Variants in PRSS16 observed in about 807,000 individuals in gnomAD.
PRSS16 encodes the protein serine protease 16.
Under a neutral mutation model 61.7 loss-of-function variants are expected in PRSS16, and 43 were observed. The observed-to-expected ratio is 0.70, with a 90% CI of 0.55 to 0.90. The LOEUF is 0.90. Ranked by LOEUF, PRSS16 falls within the 40% of genes least tolerant of loss-of-function variation. The pLI is 0.00. For missense variants in PRSS16, 591 were observed against 659.1 expected (o/e 0.90, Z 1.13); for synonymous variants, 273 against 285.2 (o/e 0.96, Z 0.43).
At position 27,255,632 on chromosome 6, in the gene PRSS16, C is replaced by T. The variant is rs901699639; in HGVS notation, c.*317C>T. On this transcript the variant is annotated 3_prime_UTR_variant, in exon 12 of 12. Coordinates refer to ENST00000230582, the MANE Select transcript of PRSS16 (RefSeq NM_005865.4). The surrounding 1 kb of genome is among the most constrained non-coding windows in gnomAD (Gnocchi z 4.4). ...GATCAGATTCTGGTTCAAATTCTGC[C>T]ACTCCAGCTCCTGGGTTAGGGGCTT... is the stretch of plus-strand genomic sequence containing the variant. The T allele has an allele frequency of 7.2e-6, 2 of 279,642 alleles. No individual in the cohort carries two copies. Among genetic ancestry groups the T allele is most frequent in the African/African-American group, 4.5e-5 (2 of 44,568 alleles). 17.3% of individuals were successfully genotyped at this position (279,642 alleles called of 1,614,324 possible).
In PRSS16 at chr6:27,252,581, A is replaced by C. The variant is rs1759939443; in HGVS notation, c.1009-227A>C. Among the ~76,000 whole-genome samples the C allele has an allele frequency of 6.6e-6, 1 of 152,114 alleles. No individual in the cohort carries two copies. The highest frequency in any genetic ancestry group is 1.5e-5 in the Non-Finnish European group (1 of 68,024). Reference sequence around the variant, plus strand: ...GGAAACTGAAGTCTGAAAGATTATCACTTGCCCAAGCTCTCACAGGTAATA... The same window carrying C: ...GGAAACTGAAGTCTGAAAGATTATCCCTTGCCCAAGCTCTCACAGGTAATA... On this transcript the variant is annotated intron_variant, in intron 8 of 11. Transcript: ENST00000230582. This position sits in a 1 kb window ranked among gnomAD's most constrained non-coding sequence, Gnocchi z 4.2.
rs965417670 is a variant in PRSS16 at position 27,249,108 on chromosome 6, G to A, written c.346G>A (p.Ala116Thr). ...CCATACACTCTTCACAGGCCATCCC[G>A]CAGCCTTGGCCCCAGCCTGGGGCGC... ...GPGSVMRGHP[A>T]ALAPAWGALV... The change falls in exon 4 of 12, where the codon GCA becomes ACA. Residue 116 changes from alanine to threonine, a missense_variant. Physicochemically the swap from Ala to Thr is moderately conservative, Grantham distance 58 (BLOSUM62 0). Transcript: ENST00000230582. 21 of 1,564,642 alleles carry A rather than the reference G, an allele frequency of 1.3e-5. No individual in the cohort carries two copies. In the African/African-American group the frequency reaches 1.5e-4, roughly 12 times the overall value.
intron 4 of PRSS16, 93 bp downstream of exon 4, chr6:27,249,322 G>A: frequency 6.9e-7 from 1 of 1,450,292 alleles, no homozygotes; most frequent in South Asian, 1.3e-5. Flanking sequence ...TCCACTGTCT[G>A]AAGTCAACCT....
intron 2 of PRSS16, among the ~76,000 whole-genome samples, chr6:27,248,330 C>A (rs1347366358): frequency 6.6e-6 from 1 of 151,988 alleles, no homozygotes; most frequent in African/African-American, 2.4e-5. Flanking sequence ...CTCCCTACCC[C>A]CTTGTCCCTG....
In PRSS16 at chr6:27,251,387, C is replaced by CG; in HGVS notation, c.717+128dup. ...GCGGGGTCTAAGGAAGGTCGGAGCT[C>CG]GGGGGAATACGCAGGTTTTGGAAGA... On this transcript the variant is annotated intron_variant, in intron 7 of 11. Coordinates refer to ENST00000230582, the MANE Select transcript of PRSS16 (RefSeq NM_005865.4). The surrounding 1 kb of genome is among the most constrained non-coding windows in gnomAD (Gnocchi z 5.6). The CG allele has an allele frequency of 8.1e-7, 1 of 1,229,724 alleles. No individual in the cohort carries two copies. Among genetic ancestry groups the CG allele is most frequent in the Non-Finnish European group, 1.1e-6 (1 of 906,254 alleles). 76.2% of individuals were successfully genotyped at this position (1,229,724 alleles called of 1,614,324 possible).
chr6:27,249,351 C>G, intron 4 of PRSS16, 122 bp downstream of exon 4: 3 of 1,262,728 alleles, frequency 2.4e-6, no homozygotes, highest in Non-Finnish European at 3.3e-6. Context: ...CTGGTTCCCT[C>G]TGTTTTCTTC....
At position 27,249,177 on chromosome 6, in the gene PRSS16, C is replaced by A. The variant is rs1431502788; in HGVS notation, c.415C>A (p.Pro139Thr). ...LEHRFYGLSI[P>T]AGGLEMAQLR... ...ACACAGATTTTATGGCCTGAGTATA[C>A]CTGCTGGAGGCCTGGAAATGGCCCA... The change falls in exon 4 of 12, where the codon CCT becomes ACT. Residue 139 changes from proline (P) to threonine (T), a missense_variant. By Grantham distance (38) the Pro-to-Thr change is conservative. Transcript: ENST00000230582. The A allele has an allele frequency of 6.2e-7, 1 of 1,612,950 alleles. No individual in the cohort carries two copies. Among genetic ancestry groups the A allele is most frequent in the Non-Finnish European group, 8.5e-7 (1 of 1,179,896 alleles).
At position 27,251,863 on chromosome 6, in the gene PRSS16, C is replaced by G. The variant is rs1302894256; in HGVS notation, c.831C>G (p.Arg277=). ...TGAGCGCTTGCGGGCCCCTGGGCCG[C>G]GCTGAAAACCAGGCGGAGCTGTTGG... ...TELSACGPLG[R]AENQAELLGA... Residue 277 remains arginine, a synonymous_variant, in exon 8 of 12, where the codon CGC becomes CGG. Transcript: ENST00000230582. This position sits in a 1 kb window ranked among gnomAD's most constrained non-coding sequence, Gnocchi z 5.6. The G allele has an allele frequency of 2.5e-6, 4 of 1,613,204 alleles. No individual in the cohort carries two copies. Among genetic ancestry groups the G allele is most frequent in the Non-Finnish European group, 3.4e-6 (4 of 1,179,754 alleles).
In PRSS16 at chr6:27,252,885, A is replaced by G; in HGVS notation, c.1086A>G (p.Glu362=). Residue 362 remains glutamate (E), a synonymous_variant, in exon 9 of 12, where the codon GAA becomes GAG. Transcript: ENST00000230582. This position sits in a 1 kb window ranked among gnomAD's most constrained non-coding sequence, Gnocchi z 4.2. The stretch of plus-strand genomic sequence containing the variant: ...CAGTGGCACAGCTGAGGAGCACAGA[A>G]CCTCAACTGTCTGGTGTGGGTGACC... ...AETVAQLRST[E]PQLSGVGDRQ... 1 of 1,614,124 alleles carries G rather than the reference A, an allele frequency of 6.2e-7. No individual in the cohort carries two copies. Among genetic ancestry groups the G allele is most frequent in the Non-Finnish European group, 8.5e-7 (1 of 1,180,010 alleles).
chr6:27,251,683 G>A lies in PRSS16; in HGVS notation c.718-67G>A. On this transcript the variant is annotated intron_variant, in intron 7 of 11. Coordinates refer to ENST00000230582, the MANE Select transcript of PRSS16 (RefSeq NM_005865.4). The surrounding 1 kb of genome is among the most constrained non-coding windows in gnomAD (Gnocchi z 5.6). ...AAGTGGGGAACCCAAGGAGGACGCA[G>A]GTCCTGGGTAGGGAAAGCCGAGGCC... 1 of 1,527,544 alleles carries A rather than the reference G, an allele frequency of 6.5e-7. No homozygotes were observed. The highest frequency in any genetic ancestry group is 8.7e-7 in the Non-Finnish European group (1 of 1,149,372). 94.6% of individuals were successfully genotyped at this position (1,527,544 alleles called of 1,614,324 possible). A position where few individuals can be genotyped will look rare whatever the true frequency, so the allele number is the denominator to read the frequency against.
In PRSS16 at chr6:27,251,120, G is replaced by T. The variant is rs751290225; in HGVS notation, c.669+1G>T. On this transcript the variant is annotated splice_donor_variant, in intron 6 of 11. Coordinates refer to ENST00000230582, the MANE Select transcript of PRSS16 (RefSeq NM_005865.4). LOFTEE classifies it high-confidence loss of function. This position sits in a 1 kb window ranked among gnomAD's most constrained non-coding sequence, Gnocchi z 5.6. The stretch of plus-strand genomic sequence containing the variant: ...GCTGGATTTCTCCGAGTATAATGAC[G>T]TAAGGATGGCGGGCAGCAGGTGCGG... 4 of 1,613,994 alleles carry T rather than the reference G, an allele frequency of 2.5e-6. No individual in the cohort carries two copies. In the South Asian group the frequency reaches 4.4e-5, roughly 18 times the overall value.
Position 27,251,766 on chromosome 6 carries a change from C to T in PRSS16, c.734C>T (p.Ser245Phe). The change falls in exon 8 of 12, where the codon TCC (serine) becomes TTC (phenylalanine). Residue 245 changes from serine (S) to phenylalanine (F), a missense_variant. Coordinates refer to ENST00000230582, the MANE Select transcript of PRSS16 (RefSeq NM_005865.4). The surrounding 1 kb of genome is among the most constrained non-coding windows in gnomAD (Gnocchi z 5.6). The part of the protein sequence containing the change: ...GGSLECRAAV[S>F]VAFAEVERRL... Reference sequence around the variant, plus strand: ...TTCCCACAGTGCCGGGCGGCGGTGTCCGTCGCCTTCGCTGAAGTGGAGCGG... The same window carrying T: ...TTCCCACAGTGCCGGGCGGCGGTGTTCGTCGCCTTCGCTGAAGTGGAGCGG... The T allele has an allele frequency of 3.1e-6, 5 of 1,605,434 alleles. No homozygotes were observed. The highest frequency in any genetic ancestry group is 4.2e-6 in the Non-Finnish European group (5 of 1,178,372).
intron 4 of PRSS16, among the ~76,000 whole-genome samples, chr6:27,249,800 C>T (rs1257133654): frequency 6.6e-6 from 1 of 152,170 alleles, no homozygotes; most frequent in Non-Finnish European, 1.5e-5. Flanking sequence ...CATTGAAGTC[C>T]TCACTGTCCT....
Position 27,250,685 on chromosome 6 carries a change from T to C in PRSS16, c.470T>C (p.Leu157Pro), listed in dbSNP as rs1278053701. ...QLRFLSSRLA[L>P]ADVVSARLAL... is the part of the protein sequence containing the mutation. Reference sequence around the variant, plus strand: ...CCGAGTCCCCCCTTTGACCCTAGGCTGGCTGATGTGGTCTCTGCCCGCCTG... The same window carrying C: ...CCGAGTCCCCCCTTTGACCCTAGGCCGGCTGATGTGGTCTCTGCCCGCCTG... The change falls in exon 5 of 12, where the codon CTG becomes CCG. Residue 157 changes from leucine (L) to proline (P), a missense_variant and splice_region_variant. Transcript: ENST00000230582. The C allele has an allele frequency of 1.9e-6, 3 of 1,609,026 alleles. No homozygotes were observed. The African/African-American group carries it at 4.0e-5, about 22-fold the overall frequency.
At position 27,251,922 on chromosome 6, in the gene PRSS16, A is replaced by G. The variant is rs756698817; in HGVS notation, c.890A>G (p.Gln297Arg). 3.6e-5 allele frequency: 58 copies of G among 1,612,710 alleles called. No homozygotes were observed. Among genetic ancestry groups the G allele is most frequent in the Non-Finnish European group, 4.6e-5 (54 of 1,179,630 alleles). Residue 297 changes from glutamine (Q) to arginine (R), a missense_variant, in exon 8 of 12, where the codon CAG becomes CGG. Transcript: ENST00000230582. The surrounding 1 kb of genome is among the most constrained non-coding windows in gnomAD (Gnocchi z 5.6). ...CAGGCACTGGTGGGAGGTGTAGTGCAGTATGATGGGCAGACGGGAGCGCCG... is the reference window on the plus strand; with the variant it reads ...CAGGCACTGGTGGGAGGTGTAGTGCGGTATGATGGGCAGACGGGAGCGCCG... ...ALQALVGGVV[Q>R]YDGQTGAPLS...
chr6:27,254,990 C>T lies in PRSS16; in HGVS notation c.1335C>T (p.Asp445=), dbSNP rs1759998825. The change falls in exon 11 of 12, where the codon GAC becomes GAT. Residue 445 remains aspartate, a synonymous_variant. Coordinates refer to ENST00000230582, the MANE Select transcript of PRSS16 (RefSeq NM_005865.4). ...CATCCTATCCTTTCTTTCCAGGGGA[C>T]ACAGACCCCTGGCATGTGCTAAGTG... is the stretch of plus-strand genomic sequence containing the variant. The part of the protein sequence containing the change: ...GANKVLFVNG[D]TDPWHVLSVT... The T allele has an allele frequency of 1.9e-6, 3 of 1,613,158 alleles. No individual in the cohort carries two copies. The East Asian group carries it at 6.7e-5, about 36-fold the overall frequency.
Position 27,251,755 on chromosome 6 carries a change from G to C in PRSS16, c.723G>C (p.Arg241=). 2 of 1,602,848 alleles carry C rather than the reference G, an allele frequency of 1.2e-6. No individual in the cohort carries two copies. Among genetic ancestry groups the C allele is most frequent in the Non-Finnish European group, 1.7e-6 (2 of 1,177,988 alleles). ...TCGCCTCTTGCTTCCCACAGTGCCG[G>C]GCGGCGGTGTCCGTCGCCTTCGCTG... ...STAIGGSLEC[R]AAVSVAFAEV... is the part of the protein sequence containing the mutation. Residue 241 remains arginine (R), a synonymous_variant, in exon 8 of 12, where the codon CGG becomes CGC. Coordinates refer to ENST00000230582, the MANE Select transcript of PRSS16 (RefSeq NM_005865.4). The surrounding 1 kb of genome is among the most constrained non-coding windows in gnomAD (Gnocchi z 5.6).
At chr6:27,254,580 A>G (rs959621195) in intron 9 of PRSS16, 113 bp from the exon 10 acceptor site, 2 of 1,040,378 alleles carry the variant, frequency 1.9e-6, no homozygotes, top group African/African-American at 3.2e-5. Flanking sequence ...AAACTCCTCG[A>G]AGGGAGTATT....
At chr6:27,249,071 C>CG in intron 3 of PRSS16, 29 bp from the exon 4 acceptor site, 1 of 471,376 alleles carries the variant, frequency 2.1e-6, no homozygotes, top group South Asian at 2.0e-5. Context: ...ATCTCACCTC[C>CG]CCACCCCCCA....
Sources: gnomAD v4.1 joint callset for allele counts (sites outside exome capture counted in the v4.1 genomes callset) on GRCh38, gnomAD v4.1.1 for gene constraint, Gnocchi (gnomAD v3.1) non-coding constraint, MANE v1.5 for transcripts, NCBI Gene and HGNC (gene_info 2026-07-23, HGNC 2026-07-21) for gene names.